GALNT17: variants seen among roughly 807,000 people sequenced by gnomAD.
GALNT17 encodes the protein UDP-GalNAc:polypeptide N-acetylgalactosaminyltransferase-like 3.
Under a neutral mutation model 63.7 loss-of-function variants are expected in GALNT17, and 29 were observed. The observed-to-expected ratio is 0.46, with a 90% CI of 0.34 to 0.62. The LOEUF (loss-of-function observed/expected upper bound fraction) is 0.62, where lower values mean the gene tolerates loss of function less well. Ranked by LOEUF, GALNT17 falls within the 20% of genes least tolerant of loss-of-function variation. The pLI, the probability that GALNT17 is intolerant of heterozygous loss-of-function variation, is 0.01. For synonymous variants in GALNT17, 305 were observed against 318.3 expected, an observed-to-expected ratio of 0.96 and a Z score of 0.45; for missense variants, 603 against 799.6, an observed-to-expected ratio of 0.75 and a Z score of 2.97.
intron 9 of GALNT17, among the ~76,000 whole-genome samples, chr7:71,701,869 ACATATATATATG>A (rs1562742557): frequency 3.7e-5 from 3 of 81,098 alleles, no homozygotes; most frequent in African/African-American, 1.7e-4. Flanking sequence ...ATATATATAT[ACATATATATATG>A]TATATATATA....
chr7:71,541,980 C>T (rs1788900259), intron 5 of GALNT17, among the ~76,000 whole-genome samples: 1 of 152,080 alleles, frequency 6.6e-6, no homozygotes, highest in Non-Finnish European at 1.5e-5. Context: ...GGAATCAGGC[C>T]CGTTCATTCA....
At chr7:71,270,704 T>C (rs1014436633) in intron 1 of GALNT17, among the ~76,000 whole-genome samples, 2 of 152,052 alleles carry the variant, frequency 1.3e-5, no homozygotes, top group African/African-American at 4.8e-5. Context: ...CAAATTTGTT[T>C]GAGGTGGTGG....
At chr7:71,634,769 G>T (rs796668291) in intron 6 of GALNT17, among the ~76,000 whole-genome samples, 1 of 134,954 alleles carries the variant, frequency 7.4e-6, no homozygotes, top group Non-Finnish European at 1.6e-5. Context: ...AAAAAAAAAA[G>T]AAAAAAGAAA....
rs1786946338 is a variant in GALNT17 at position 71,435,683 on chromosome 7, C to T, written c.962+14578C>T. On this transcript the variant is annotated intron_variant, in intron 5 of 10. Coordinates refer to ENST00000333538, the MANE Select transcript of GALNT17 (RefSeq NM_022479.3). ...TCATCTCCGACCCAACCAATCAACACTCTCAACTCACTGGCCTTCCCCCAC... is the reference window on the plus strand; with the variant it reads ...TCATCTCCGACCCAACCAATCAACATTCTCAACTCACTGGCCTTCCCCCAC... Among the ~76,000 whole-genome samples the T allele has an allele frequency of 2.0e-5, 3 of 152,110 alleles. No individual in the cohort carries two copies. In the South Asian group the frequency reaches 6.2e-4, roughly 32 times the overall value.
intron 5 of GALNT17, among the ~76,000 whole-genome samples, chr7:71,451,191 T>C (rs1355800379): frequency 6.6e-6 from 1 of 152,198 alleles, no homozygotes; most frequent in Admixed American, 6.5e-5. Context: ...TTTGGTTTTT[T>C]GTCCTTGCAA....
intron 6 of GALNT17, among the ~76,000 whole-genome samples, chr7:71,597,366 A>G (rs1789902390): frequency 6.6e-6 from 1 of 151,682 alleles, no homozygotes; most frequent in Admixed American, 6.6e-5. Context: ...TGATTAGCTG[A>G]GTGCAGTGGT....
intron 1 of GALNT17, among the ~76,000 whole-genome samples, chr7:71,253,860 A>G (rs1333183383): frequency 5.9e-5 from 9 of 152,172 alleles, no homozygotes; most frequent in Admixed American, 3.3e-4. Context: ...CCACAGTACC[A>G]TGAATTGTTC....
At chr7:71,366,574 T>C (rs553906923) in intron 2 of GALNT17, among the ~76,000 whole-genome samples, 1 of 149,028 alleles carries the variant, frequency 6.7e-6, no homozygotes, top group Non-Finnish European at 1.5e-5. Context: ...AGCGAGACTC[T>C]GTCTCAAACA....
chr7:71,496,928 A>T (rs1788105809), intron 5 of GALNT17, among the ~76,000 whole-genome samples: 2 of 151,790 alleles, frequency 1.3e-5, no homozygotes, highest in Admixed American at 1.3e-4. Flanking sequence ...AAAAAAAAAA[A>T]ATAACCAAGT....
At chr7:71,221,391 T>A (rs1193688238) in intron 1 of GALNT17, among the ~76,000 whole-genome samples, 2 of 150,672 alleles carry the variant, frequency 1.3e-5, no homozygotes, top group Admixed American at 6.6e-5. Flanking sequence ...TGCTTTTTTT[T>A]TTTTTTTTTT....
At chr7:71,584,568 C>G (rs977163194) in intron 6 of GALNT17, among the ~76,000 whole-genome samples, 15 of 152,122 alleles carry the variant, frequency 9.9e-5, no homozygotes, top group Non-Finnish European at 2.9e-5. Context: ...CATAAAATTA[C>G]ACTTAGGAAA....
chr7:71,291,575 T>A (rs966363021), intron 1 of GALNT17, among the ~76,000 whole-genome samples: 1 of 152,196 alleles, frequency 6.6e-6, no homozygotes, highest in African/African-American at 2.4e-5. Flanking sequence ...TCCTGGACAG[T>A]TTTTATTTGT....
chr7:71,247,476 G>A (rs1303212168), intron 1 of GALNT17, among the ~76,000 whole-genome samples: 1 of 151,958 alleles, frequency 6.6e-6, no homozygotes, highest in African/African-American at 2.4e-5. Context: ...TCTTTTTTGA[G>A]ATGGAGTCTT....
chr7:71,626,157 T>A (rs1790372439), intron 6 of GALNT17, among the ~76,000 whole-genome samples: 1 of 150,556 alleles, frequency 6.6e-6, no homozygotes, highest in Non-Finnish European at 1.5e-5. Flanking sequence ...GGCAGGGGAA[T>A]CACTTGAACC....
At chr7:71,274,652 A>G (rs143355909) in intron 1 of GALNT17, among the ~76,000 whole-genome samples, 1 of 152,176 alleles carries the variant, frequency 6.6e-6, no homozygotes, top group South Asian at 2.1e-4. Context: ...CACCATCCAC[A>G]TCAGTGCACA....
chr7:71,684,451 C>T (rs926561659), intron 9 of GALNT17, among the ~76,000 whole-genome samples: 4 of 152,148 alleles, frequency 2.6e-5, no homozygotes, highest in African/African-American at 9.7e-5. Flanking sequence ...GACCCGCAGC[C>T]CAGGGTTTGA....
At chr7:71,173,589 A>G (rs1446560873) in intron 1 of GALNT17, among the ~76,000 whole-genome samples, 1 of 152,092 alleles carries the variant, frequency 6.6e-6, no homozygotes, top group African/African-American at 2.4e-5. Context: ...CCTGGCCAAC[A>G]TGGCAAAAAC....
intron 6 of GALNT17, among the ~76,000 whole-genome samples, chr7:71,620,251 C>T (rs1001376998): frequency 1.3e-5 from 2 of 152,084 alleles, no homozygotes; most frequent in African/African-American, 4.8e-5. Context: ...TGAAGTTTTC[C>T]TTCTTGTTGC....
intron 5 of GALNT17, among the ~76,000 whole-genome samples, chr7:71,455,313 A>G (rs927293582): frequency 2.0e-4 from 31 of 152,068 alleles, no homozygotes; most frequent in Non-Finnish European, 1.5e-5. Context: ...AGAAAGCTTA[A>G]TGGCAGTTAG....
Sources: gnomAD v4.1 joint callset for allele counts (sites outside exome capture counted in the v4.1 genomes callset) on GRCh38, gnomAD v4.1.1 for gene constraint, MANE v1.5 for transcripts, NCBI Gene and HGNC (gene_info 2026-07-23, HGNC 2026-07-21) for gene names.